MEGF11: variants seen among roughly 807,000 people sequenced by gnomAD.
MEGF11 encodes the protein multiple epidermal growth factor-like domains protein 11.
Under a neutral mutation model 146.6 loss-of-function variants are expected in MEGF11, and 126 were observed. The observed-to-expected ratio is 0.86, with a 90% CI of 0.74 to 1.00. The LOEUF (loss-of-function observed/expected upper bound fraction) is 1.00, where lower values mean the gene tolerates loss of function less well. Ranked by LOEUF, MEGF11 falls within the 50% of genes least tolerant of loss-of-function variation. The pLI, the probability that MEGF11 is intolerant of heterozygous loss-of-function variation, is 0.00. For synonymous variants in MEGF11, 532 were observed against 583.4 expected, an observed-to-expected ratio of 0.91 and a Z score of 1.27; for missense variants, 1,509 against 1,521.2, an observed-to-expected ratio of 0.99 and a Z score of 0.13.
chr15:66,001,066 G>C (rs1809055912), intron 5 of MEGF11, among the ~76,000 whole-genome samples: 1 of 152,196 alleles, frequency 6.6e-6, no homozygotes, highest in African/African-American at 2.4e-5. Flanking sequence ...TCTCTAACCT[G>C]TCTGGTTCAG....
chr15:65,965,080 A>G lies in MEGF11; in HGVS notation c.940T>C (p.Cys314Arg). Reference protein sequence around the residue: ...ECPFGSFGFQCSQHCDCHNGG... With the variant: ...ECPFGSFGFQRSQHCDCHNGG... ...TTGTGGCAGTCACAGTGCTGTGAGC[A>G]CTGGAAGCCGAAGGACCCGAAGGGG... The change falls in exon 9 of 26, where the codon TGC becomes CGC. Residue 314 changes from cysteine (C) to arginine (R), a missense_variant. By Grantham distance (180) the Cys-to-Arg change is radical. Transcript: ENST00000395614. 3 of 1,597,106 alleles carry G rather than the reference A, an allele frequency of 1.9e-6. No individual in the cohort carries two copies. Among genetic ancestry groups the G allele is most frequent in the Non-Finnish European group, 2.6e-6 (3 of 1,170,632 alleles).
intron 5 of MEGF11, among the ~76,000 whole-genome samples, chr15:66,071,597 G>A (rs772913298): frequency 1.3e-5 from 2 of 152,190 alleles, no homozygotes; most frequent in Non-Finnish European, 1.5e-5. Context: ...GCTGCATCGG[G>A]GATCTGTCAT....
intron 1 of MEGF11, among the ~76,000 whole-genome samples, chr15:66,248,529 T>C (rs540781171): frequency 1.3e-5 from 2 of 152,352 alleles, no homozygotes; most frequent in South Asian, 4.1e-4. Flanking sequence ...TAATTGATCT[T>C]CCCCTTGCTC....
At chr15:66,166,487 C>G (rs905286478) in intron 1 of MEGF11, among the ~76,000 whole-genome samples, 8 of 152,146 alleles carry the variant, frequency 5.3e-5, no homozygotes, top group Admixed American at 3.3e-4. Context: ...AATCAGATCA[C>G]ACTGCTCCAC....
intron 5 of MEGF11, among the ~76,000 whole-genome samples, chr15:66,081,473 G>C (rs1665854655): frequency 6.6e-6 from 1 of 152,166 alleles, no homozygotes; most frequent in African/African-American, 2.4e-5. Flanking sequence ...CCGCCTCCCG[G>C]GTTCAAGCTA....
intron 24 of MEGF11, among the ~76,000 whole-genome samples, chr15:65,902,745 G>C (rs1183840141): frequency 1.3e-5 from 2 of 152,198 alleles, no homozygotes; most frequent in African/African-American, 4.8e-5. Context: ...GCTTGGTCCT[G>C]TAATGCCCTG....
At chr15:66,015,676 C>T (rs2082862425) in intron 5 of MEGF11, among the ~76,000 whole-genome samples, 1 of 152,120 alleles carries the variant, frequency 6.6e-6, no homozygotes, top group African/African-American at 2.4e-5. Context: ...AGTAGGGGCT[C>T]AGCAAATGTT....
At chr15:66,244,706 C>T (rs544920966) in intron 1 of MEGF11, among the ~76,000 whole-genome samples, 3 of 152,262 alleles carry the variant, frequency 2.0e-5, no homozygotes, top group Admixed American at 2.0e-4. Flanking sequence ...TAAAAATCAC[C>T]TGAAGTAGTA....
chr15:66,054,323 C>T (rs1339268898), intron 5 of MEGF11, among the ~76,000 whole-genome samples: 2 of 152,188 alleles, frequency 1.3e-5, no homozygotes, highest in Non-Finnish European at 2.9e-5. Context: ...TCTGCAGGCT[C>T]CTCCATGAGG....
intron 2 of MEGF11, among the ~76,000 whole-genome samples, chr15:66,126,279 A>G (rs1354739096): frequency 6.6e-6 from 1 of 152,184 alleles, no homozygotes; most frequent in African/African-American, 2.4e-5. Flanking sequence ...AGCTGGAAAG[A>G]CTGAGAAGAA....
chr15:66,122,028 G>A (rs145309663), intron 3 of MEGF11, among the ~76,000 whole-genome samples: 180 of 152,320 alleles, frequency 1.2e-3, no homozygotes, highest in African/African-American at 4.1e-3. Flanking sequence ...ACTTTGGGAA[G>A]CTGAGGCGAG....
At chr15:65,980,027 G>A (rs2081578468) in intron 7 of MEGF11, among the ~76,000 whole-genome samples, 1 of 152,106 alleles carries the variant, frequency 6.6e-6, no homozygotes, top group South Asian at 2.1e-4. Context: ...AGATTCTGGG[G>A]CCCACAGAAT....
chr15:66,251,089 A>G (rs1247691835), intron 1 of MEGF11, among the ~76,000 whole-genome samples: 1 of 151,968 alleles, frequency 6.6e-6, no homozygotes, highest in African/African-American at 2.4e-5. Context: ...GGCCTAGAAG[A>G]CCCCTGGGGC....
chr15:65,970,961 G>A, intron 7 of MEGF11: 1 of 473,450 alleles, frequency 2.1e-6, no homozygotes, highest in Admixed American at 3.5e-5. Context: ...TTTGATTCCT[G>A]TCCTCCTAGT....
chr15:65,910,226 T>TTCAGC (rs1052570998), intron 21 of MEGF11, among the ~76,000 whole-genome samples: 2 of 152,122 alleles, frequency 1.3e-5, no homozygotes, highest in Non-Finnish European at 2.9e-5. Context: ...TGCCACCTGA[T>TTCAGC]CCTGATTGGG....
At chr15:66,231,045 G>C (rs190853873) in intron 1 of MEGF11, among the ~76,000 whole-genome samples, 1 of 152,082 alleles carries the variant, frequency 6.6e-6, no homozygotes, top group Non-Finnish European at 1.5e-5. Context: ...AGAGAATAAG[G>C]TCCCATGGTT....
In MEGF11 at chr15:65,896,598, G is replaced by T. The variant is rs2078363218; in HGVS notation, c.*1336C>A. On this transcript the variant is annotated 3_prime_UTR_variant, in exon 26 of 26. Coordinates refer to ENST00000395614, the MANE Select transcript of MEGF11 (RefSeq NM_001385028.1). ...TGCCCTTTTTGTTTTTAATTCTTGT[G>T]AGAAGGTTCTCTTTAGGGCTTGGGA... 1 of 152,606 alleles carries T rather than the reference G, an allele frequency of 6.6e-6. No homozygotes were observed. Among genetic ancestry groups the T allele is most frequent in the African/African-American group, 2.4e-5 (1 of 41,434 alleles). The allele number at this position is 152,606 out of a possible 1,614,324, so 9.5% of individuals were successfully genotyped here.
chr15:66,018,643 G>A (rs373815933), intron 5 of MEGF11, among the ~76,000 whole-genome samples: 42 of 151,982 alleles, frequency 2.8e-4, no homozygotes, highest in African/African-American at 8.9e-4. Flanking sequence ...GTGTGCGAGC[G>A]GGTGCCTGCC....
chr15:66,221,103 G>A (rs564167010), intron 1 of MEGF11, among the ~76,000 whole-genome samples: 1 of 152,204 alleles, frequency 6.6e-6, no homozygotes, highest in African/African-American at 2.4e-5. Flanking sequence ...AGTCTAAAAT[G>A]ATTTCAAATT....
Sources: gnomAD v4.1 joint callset for allele counts (sites outside exome capture counted in the v4.1 genomes callset) on GRCh38, gnomAD v4.1.1 for gene constraint, MANE v1.5 for transcripts, NCBI Gene and HGNC (gene_info 2026-07-23, HGNC 2026-07-21) for gene names.